The following LYRM7 variants were observed in gnomAD, a reference collection of about 807,000 sequenced individuals.
LYRM7 encodes LYR motif containing 7.
Under a neutral mutation model 15.8 loss-of-function variants are expected in LYRM7, and 9 were observed. That is an observed-to-expected ratio of 0.57 (90% CI 0.34 to 0.99). LYRM7 has a LOEUF of 0.99. LYRM7 is among the 50% of genes least tolerant of loss of function. The probability of loss-of-function intolerance (pLI) is 0.02; values close to 1 mark genes in which losing one functional copy is unlikely to be tolerated. For synonymous variants in LYRM7, 39 were observed against 39.4 expected (o/e 0.99, Z 0.04); for missense variants, 115 against 119.1 (o/e 0.97, Z 0.16).
Position 131,203,223 on chromosome 5 carries a change from G to A in LYRM7, c.*3622G>A, listed in dbSNP as rs1375597634. 6.6e-6 allele frequency: 1 copy of A among 152,292 alleles called. No individual in the cohort carries two copies. The highest frequency in any genetic ancestry group is 6.5e-5 in the Admixed American group (1 of 15,284). 9.4% of individuals were successfully genotyped at this position (152,292 alleles called of 1,614,324 possible). On this transcript the variant is annotated 3_prime_UTR_variant, in exon 5 of 5. Coordinates refer to ENST00000379380, the MANE Select transcript of LYRM7 (RefSeq NM_181705.4). ...ATTAATATAGTTTTACTGTATATCAGTTGTCACCAATCAGAAATGGAAAAC... is the reference window on the plus strand; with the variant it reads ...ATTAATATAGTTTTACTGTATATCAATTGTCACCAATCAGAAATGGAAAAC...
At chr5:131,176,711 C>T (rs1353434095) in intron 1 of LYRM7, among the ~76,000 whole-genome samples, 2 of 152,116 alleles carry the variant, frequency 1.3e-5, no homozygotes, top group Non-Finnish European at 2.9e-5. Context: ...TTTTTCCACC[C>T]TCAACCCCTT....
At chr5:131,192,253 A>T (rs1755899187) in intron 4 of LYRM7, among the ~76,000 whole-genome samples, 1 of 152,186 alleles carries the variant, frequency 6.6e-6, no homozygotes, top group African/African-American at 2.4e-5. Context: ...CAGAGTGCAG[A>T]TAGTGGTTAC....
chr5:131,177,906 G>C (rs1755625925), intron 1 of LYRM7, among the ~76,000 whole-genome samples: 1 of 151,810 alleles, frequency 6.6e-6, no homozygotes, highest in Non-Finnish European at 1.5e-5. Flanking sequence ...CTCAATTTCT[G>C]TTTCTGAACT....
At position 131,180,990 on chromosome 5, in the gene LYRM7, T is replaced by C. The variant is rs994339824; in HGVS notation, c.91+823T>C. The stretch of plus-strand genomic sequence containing the variant: ...TCCAAACTCTAAACCACCTTACGTA[T>C]TGAAATATATGCAACATAGGCTGGG... On this transcript the variant is annotated intron_variant, in intron 2 of 4. Coordinates refer to ENST00000379380, the MANE Select transcript of LYRM7 (RefSeq NM_181705.4). 2.6e-5 allele frequency among the ~76,000 whole-genome samples: 4 copies of C among 151,742 alleles called. 1 individual carries two copies. In the South Asian group the frequency reaches 6.2e-4, roughly 24 times the overall value.
At chr5:131,177,900 A>C (rs376556050) in intron 1 of LYRM7, among the ~76,000 whole-genome samples, 3 of 151,252 alleles carry the variant, frequency 2.0e-5, no homozygotes, top group Non-Finnish European at 2.9e-5. Context: ...CCTCTCCTCA[A>C]TTTCTGTTTC....
At chr5:131,179,405 AT>A (rs1448623411) in intron 1 of LYRM7, among the ~76,000 whole-genome samples, 6 of 146,294 alleles carry the variant, frequency 4.1e-5, no homozygotes, top group Non-Finnish European at 9.1e-5. Context: ...GAAATGTGAA[AT>A]GTTTTCCTTT....
At position 131,184,867 on chromosome 5, in the gene LYRM7, C is replaced by T. The variant is rs531189437; in HGVS notation, c.163-2161C>T. Among the ~76,000 whole-genome samples, 8 of 152,264 alleles carry T rather than the reference C, an allele frequency of 5.3e-5. No homozygotes were observed. The South Asian group carries it at 8.3e-4, about 16-fold the overall frequency. On this transcript the variant is annotated intron_variant, in intron 3 of 4. Coordinates refer to ENST00000379380, the MANE Select transcript of LYRM7 (RefSeq NM_181705.4). ...GGCTTTGCTCTCCCACAGCTCTCTCCATGGCAGTTAATTCCAGCTCCCTCC... is the reference window on the plus strand; with the variant it reads ...GGCTTTGCTCTCCCACAGCTCTCTCTATGGCAGTTAATTCCAGCTCCCTCC...
chr5:131,189,444 C>CAAAAAAA (rs71000976), intron 4 of LYRM7, among the ~76,000 whole-genome samples: 7 of 46,178 alleles, frequency 1.5e-4, no homozygotes, highest in African/African-American at 4.7e-4. Flanking sequence ...CTCCGTCTCC[C>CAAAAAAA]AAAAAAAAAA....
chr5:131,193,730 G>A (rs1341154021), intron 4 of LYRM7, among the ~76,000 whole-genome samples: 1 of 151,974 alleles, frequency 6.6e-6, no homozygotes, highest in East Asian at 1.9e-4. Context: ...CTTTTTGGCC[G>A]GGTGCGGTGG....
At chr5:131,197,057 G>A (rs888284838) in intron 4 of LYRM7, among the ~76,000 whole-genome samples, 1 of 152,178 alleles carries the variant, frequency 6.6e-6, no homozygotes, top group East Asian at 1.9e-4. Flanking sequence ...ACTCTAAAGT[G>A]ATATGGGTAT....
At chr5:131,173,085 A>G (rs1303094192) in intron 1 of LYRM7, among the ~76,000 whole-genome samples, 2 of 152,178 alleles carry the variant, frequency 1.3e-5, no homozygotes, top group Admixed American at 6.5e-5. Flanking sequence ...TAAAACCATT[A>G]TGTTTACTTA....
intron 1 of LYRM7, among the ~76,000 whole-genome samples, chr5:131,179,407 G>A (rs1360850754): frequency 2.3e-5 from 3 of 127,852 alleles, no homozygotes; most frequent in Admixed American, 7.5e-5. Flanking sequence ...AATGTGAAAT[G>A]TTTTCCTTTT....
intron 4 of LYRM7, among the ~76,000 whole-genome samples, chr5:131,190,843 A>T (rs902384873): frequency 6.6e-6 from 1 of 152,068 alleles, no homozygotes; most frequent in Non-Finnish European, 1.5e-5. Context: ...TAAACTTAAG[A>T]TGTGTAGTCA....
At chr5:131,194,239 T>C (rs895084008) in intron 4 of LYRM7, among the ~76,000 whole-genome samples, 1 of 152,200 alleles carries the variant, frequency 6.6e-6, no homozygotes, top group Non-Finnish European at 1.5e-5. Context: ...AAACAGTATA[T>C]AGCATATAAA....
intron 1 of LYRM7, among the ~76,000 whole-genome samples, chr5:131,173,457 A>C (rs74824526): frequency 0.073 from 11,097 of 152,284 alleles, 1,110 homozygotes; most frequent in African/African-American, 0.23. Flanking sequence ...TAGAAAGTAC[A>C]TATGTTGGCT....
intron 3 of LYRM7, among the ~76,000 whole-genome samples, chr5:131,186,156 A>G (rs1334125692): frequency 2.0e-5 from 3 of 152,200 alleles, no homozygotes; most frequent in African/African-American, 7.2e-5. Flanking sequence ...TCTCAAGTAC[A>G]TATTATTTGA....
At chr5:131,175,557 C>G (rs886864813) in intron 1 of LYRM7, among the ~76,000 whole-genome samples, 1 of 150,312 alleles carries the variant, frequency 6.7e-6, no homozygotes, top group Non-Finnish European at 1.5e-5. Flanking sequence ...TGTTTTGAGA[C>G]AGGGTCTCAC....
At position 131,205,135 on chromosome 5, in the gene LYRM7, T is replaced by C. The variant is rs1258924692; in HGVS notation, c.*5534T>C. 6.6e-6 allele frequency: 1 copy of C among 152,322 alleles called. No individual in the cohort carries two copies. The highest frequency in any genetic ancestry group is 2.4e-5 in the African/African-American group (1 of 41,454). The allele number at this position is 152,322 out of a possible 1,614,324, so 9.4% of individuals were successfully genotyped here. ...TAAAGGTCTAAGTCATAAAATCTTA[T>C]AAAGCTAAACCCCACCCTTCTCTTT... is the stretch of plus-strand genomic sequence containing the variant. On this transcript the variant is annotated 3_prime_UTR_variant, in exon 5 of 5. Transcript: ENST00000379380.
intron 4 of LYRM7, among the ~76,000 whole-genome samples, chr5:131,193,588 T>G (rs1755917941): frequency 6.6e-6 from 1 of 152,256 alleles, no homozygotes; most frequent in African/African-American, 2.4e-5. Context: ...TTTAAATTAT[T>G]TGGATTCCAA....
Sources: allele counts gnomAD v4.1 joint callset (sites outside exome capture counted in the v4.1 genomes callset), GRCh38; gene constraint gnomAD v4.1.1; transcripts MANE v1.5; gene names NCBI Gene and HGNC (gene_info 2026-07-23, HGNC 2026-07-21).